Variants in INPP5F observed in about 807,000 individuals in gnomAD.
The protein encoded by INPP5F is phosphatidylinositide 4-phosphatase SAC2.
INPP5F carries 97 observed loss-of-function variants against 137.2 expected under a neutral mutation model. The observed-to-expected ratio is 0.71, with a 90% CI of 0.60 to 0.84. INPP5F has a LOEUF of 0.84. Among genes scored for constraint, INPP5F ranks in the 40% least tolerant of loss-of-function variants. INPP5F has a pLI of 0.00. For missense variants in INPP5F, 1,271 were observed against 1,371.9 expected, an observed-to-expected ratio of 0.93 and a Z score of 1.16; for synonymous variants, 504 against 476.9, an observed-to-expected ratio of 1.06 and a Z score of -0.74.
At chr10:119,740,970 G>A (rs1163158231) in intron 1 of INPP5F, among the ~76,000 whole-genome samples, 2 of 152,164 alleles carry the variant, frequency 1.3e-5, no homozygotes, top group African/African-American at 4.8e-5. Flanking sequence ...CATTTATTAT[G>A]TGACGGATGC....
chr10:119,732,294 C>T (rs1848097181), intron 1 of INPP5F, among the ~76,000 whole-genome samples: 1 of 151,940 alleles, frequency 6.6e-6, no homozygotes, highest in African/African-American at 2.4e-5. Flanking sequence ...GCCTCAGCCT[C>T]CCAAAGTGCT....
rs139360595 is a variant in INPP5F, at chr10:119,748,984, G to C, written c.98-2092G>C. On this transcript the variant is annotated intron_variant, in intron 1 of 19. Coordinates refer to ENST00000650623, the MANE Select transcript of INPP5F (RefSeq NM_014937.4). The surrounding 1 kb of genome is among the most constrained non-coding windows in gnomAD (Gnocchi z 4.7). ...TCACCCCTGCTGGCCTCTCTCCCAC[G>C]CTTATCGGCACCCGAAGTCCAGAGG... Among the ~76,000 whole-genome samples the C allele has an allele frequency of 2.8e-4, 42 of 152,274 alleles. No individual in the cohort carries two copies. In the East Asian group the frequency reaches 8.1e-3, roughly 29 times the overall value.
At chr10:119,794,801 C>G (rs1850283438) in intron 6 of INPP5F, among the ~76,000 whole-genome samples, 1 of 122,338 alleles carries the variant, frequency 8.2e-6, no homozygotes, top group Non-Finnish European at 1.9e-5. Context: ...GGGGCTGACC[C>G]CCCCACCTCC....
chr10:119,805,509 A>T (rs754512439), intron 11 of INPP5F, 48 bp downstream of exon 11: 6 of 1,259,560 alleles, frequency 4.8e-6, no homozygotes, highest in Non-Finnish European at 7.0e-6. Context: ...GGATCTGTAA[A>T]ATAGTACCAC....
At chr10:119,758,105 A>G (rs1022621051) in intron 2 of INPP5F, among the ~76,000 whole-genome samples, 3 of 152,388 alleles carry the variant, frequency 2.0e-5, no homozygotes, top group Admixed American at 6.5e-5. Flanking sequence ...ACCTAGACTC[A>G]GAATCTGAGT....
intron 15 of INPP5F, chr10:119,818,872 C>G (rs957885458): frequency 1.3e-5 from 2 of 152,320 alleles, no homozygotes; most frequent in Non-Finnish European, 2.9e-5. Flanking sequence ...CCGCAGCAGC[C>G]GAGCCCAAGT....
chr10:119,820,742 C>T (rs1851527712), intron 15 of INPP5F, 104 bp from the exon 16 acceptor site: 3 of 824,180 alleles, frequency 3.6e-6, no homozygotes, highest in Non-Finnish European at 6.3e-6. Flanking sequence ...TTTCCCTCCC[C>T]CTGGCCAATT....
At chr10:119,731,199 C>T (rs2134098145) in intron 1 of INPP5F, among the ~76,000 whole-genome samples, 1 of 152,006 alleles carries the variant, frequency 6.6e-6, no homozygotes, top group African/African-American at 2.4e-5. Flanking sequence ...TTTACTATGT[C>T]ATATGAGGTT....
At position 119,734,361 on chromosome 10, in the gene INPP5F, T is replaced by C. The variant is rs772826842; in HGVS notation, c.97+8002T>C. On this transcript the variant is annotated intron_variant, in intron 1 of 19. Transcript: ENST00000650623. ...ACATTGCCAACACATGTTTCTTGGGTGATGCATTATGAATGCATTATCCAA... is the reference window on the plus strand; with the variant it reads ...ACATTGCCAACACATGTTTCTTGGGCGATGCATTATGAATGCATTATCCAA... 2.2e-4 allele frequency among the ~76,000 whole-genome samples: 33 copies of C among 152,356 alleles called. 1 individual carries two copies. Among genetic ancestry groups the C allele is most frequent in the Admixed American group, 1.7e-3 (26 of 15,306 alleles).
At chr10:119,812,788 G>C (rs1312670898) in intron 15 of INPP5F, among the ~76,000 whole-genome samples, 1 of 152,032 alleles carries the variant, frequency 6.6e-6, no homozygotes, top group Non-Finnish European at 1.5e-5. Flanking sequence ...TTAAAAATAA[G>C]AGATGAATTT....
At chr10:119,735,305 A>C (rs1347619273) in intron 1 of INPP5F, among the ~76,000 whole-genome samples, 1 of 152,140 alleles carries the variant, frequency 6.6e-6, no homozygotes. Flanking sequence ...GTTTCCTTCA[A>C]GTTTACCCTT....
chr10:119,824,740 T>C (rs927339797), intron 19 of INPP5F, among the ~76,000 whole-genome samples: 1 of 152,224 alleles, frequency 6.6e-6, no homozygotes, highest in African/African-American at 2.4e-5. Context: ...CTATAATAAT[T>C]ATTCCTGTCA....
At chr10:119,760,850 G>A (rs1356939217) in intron 2 of INPP5F, among the ~76,000 whole-genome samples, 1 of 152,134 alleles carries the variant, frequency 6.6e-6, no homozygotes, top group Middle Eastern at 3.2e-3. Flanking sequence ...AACTTGTATT[G>A]TGAGTAAAAA....
chr10:119,794,476 C>T (rs534972732), intron 6 of INPP5F, among the ~76,000 whole-genome samples: 53 of 152,118 alleles, frequency 3.5e-4, no homozygotes, highest in African/African-American at 1.3e-3. Flanking sequence ...ACCTTTCCCC[C>T]CTTTCTATTC....
At chr10:119,741,619 A>G (rs1848377532) in intron 1 of INPP5F, among the ~76,000 whole-genome samples, 1 of 151,704 alleles carries the variant, frequency 6.6e-6, no homozygotes, top group East Asian at 1.9e-4. Flanking sequence ...ATTGCAACCT[A>G]CGCCTCCTGG....
chr10:119,805,497 T>A, intron 11 of INPP5F, 36 bp downstream of exon 11: 1 of 1,365,006 alleles, frequency 7.3e-7, no homozygotes, highest in Non-Finnish European at 1.0e-6. Context: ...TTACAGACTC[T>A]GGGATCTGTA....
chr10:119,796,837 G>A lies in INPP5F; in HGVS notation c.792G>A (p.Gln264=). Reference sequence around the variant, plus strand: ...AAAGCAGCCCAGAGACCCCCCCTCAGGAGTCCACCTGTGTAGATGATATTC... The same window carrying A: ...AAAGCAGCCCAGAGACCCCCCCTCAAGAGTCCACCTGTGTAGATGATATTC... The part of the protein sequence containing the change: ...DEKSSPETPP[Q]ESTCVDDIHP... The change falls in exon 7 of 20, where the codon CAG becomes CAA. Residue 264 remains glutamine, a synonymous_variant. Transcript: ENST00000650623. The A allele has an allele frequency of 1.2e-6, 2 of 1,613,900 alleles. No individual in the cohort carries two copies. The highest frequency in any genetic ancestry group is 1.3e-5 in the African/African-American group (1 of 75,014).
At chr10:119,792,525 C>A (rs1024173080) in intron 6 of INPP5F, among the ~76,000 whole-genome samples, 2 of 151,530 alleles carry the variant, frequency 1.3e-5, no homozygotes, top group South Asian at 2.1e-4. Context: ...TTCTTTCTAC[C>A]CATTGGGAAT....
intron 2 of INPP5F, among the ~76,000 whole-genome samples, chr10:119,760,494 T>C (rs1352091701): frequency 6.6e-6 from 1 of 152,178 alleles, no homozygotes; most frequent in African/African-American, 2.4e-5. Flanking sequence ...AAGGTAAAAA[T>C]GACTGTGTGG....
Sources: allele counts gnomAD v4.1 joint callset (sites outside exome capture counted in the v4.1 genomes callset), GRCh38; gene constraint gnomAD v4.1.1; non-coding constraint Gnocchi (gnomAD v3.1); transcripts MANE v1.5; gene names NCBI Gene and HGNC (gene_info 2026-07-23, HGNC 2026-07-21).